Variants in SDK1 observed in about 807,000 individuals in gnomAD.
SDK1 encodes the protein sidekick cell adhesion molecule 1, also known as protein sidekick-1.
Under a neutral mutation model 245.5 loss-of-function variants are expected in SDK1, and 157 were observed. The ratio of observed to expected loss-of-function variants is 0.64; its 90% CI spans 0.56 to 0.73. The LOEUF (loss-of-function observed/expected upper bound fraction) is 0.73, where lower values mean the gene tolerates loss of function less well. Ranked by LOEUF, SDK1 falls within the 30% of genes least tolerant of loss-of-function variation. The pLI is 0.00. For missense variants in SDK1, 3,583 were observed against 3,002.3 expected (o/e 1.19, Z -4.52); for synonymous variants, 1,647 against 1,278.5 (o/e 1.29, Z -6.15).
chr7:3,955,958 G>C (rs987566343), intron 7 of SDK1, among the ~76,000 whole-genome samples: 3 of 152,202 alleles, frequency 2.0e-5, no homozygotes, highest in African/African-American at 7.2e-5. Flanking sequence ...GCTGCCATGG[G>C]CTCTGGGCCA....
intron 4 of SDK1, among the ~76,000 whole-genome samples, chr7:3,658,150 C>T (rs147779990): frequency 4.4e-4 from 67 of 152,230 alleles, no homozygotes; most frequent in African/African-American, 1.3e-3. Flanking sequence ...TACTTTGGTG[C>T]GTGATGATCA....
At chr7:4,198,356 C>T (rs1783700081) in intron 35 of SDK1, among the ~76,000 whole-genome samples, 2 of 152,222 alleles carry the variant, frequency 1.3e-5, no homozygotes. Context: ...AGGGTGTTGG[C>T]TGGGACACCT....
chr7:3,477,573 G>A (rs992361328), intron 1 of SDK1, among the ~76,000 whole-genome samples: 2 of 150,994 alleles, frequency 1.3e-5, no homozygotes, highest in African/African-American at 4.9e-5. Context: ...GGAGTGCAGT[G>A]GTGCAGTCAT....
At chr7:3,546,193 G>A (rs910687185) in intron 1 of SDK1, among the ~76,000 whole-genome samples, 1 of 152,124 alleles carries the variant, frequency 6.6e-6, no homozygotes, top group African/African-American at 2.4e-5. Flanking sequence ...GCATTTCTGT[G>A]GAGTTCCCTG....
At chr7:4,187,289 A>C (rs1782953089) in intron 35 of SDK1, among the ~76,000 whole-genome samples, 1 of 152,228 alleles carries the variant, frequency 6.6e-6, no homozygotes, top group Admixed American at 6.5e-5. Context: ...ACATTTGCAC[A>C]AGACTATGGG....
chr7:3,644,566 A>G (rs1014335355), intron 4 of SDK1, among the ~76,000 whole-genome samples: 4 of 151,286 alleles, frequency 2.6e-5, no homozygotes, highest in African/African-American at 9.7e-5. Context: ...GAGTTTAAAA[A>G]CAGCCTGGGC....
chr7:3,624,175 A>G (rs573057061), intron 2 of SDK1, among the ~76,000 whole-genome samples: 1 of 152,168 alleles, frequency 6.6e-6, no homozygotes, highest in Non-Finnish European at 1.5e-5. Context: ...CATCAGTAGA[A>G]CTTTTCAGAA....
At chr7:4,113,822 A>T (rs1783512040) in intron 24 of SDK1, among the ~76,000 whole-genome samples, 1 of 152,262 alleles carries the variant, frequency 6.6e-6, no homozygotes, top group Non-Finnish European at 1.5e-5. Flanking sequence ...AAATGTATTA[A>T]AAGAAATTAT....
intron 1 of SDK1, among the ~76,000 whole-genome samples, chr7:3,347,392 A>G (rs1372808014): frequency 6.6e-6 from 1 of 152,182 alleles, no homozygotes; most frequent in Non-Finnish European, 1.5e-5. Flanking sequence ...TGGTGATGTC[A>G]TAAAGCTGTT....
intron 1 of SDK1, among the ~76,000 whole-genome samples, chr7:3,607,942 C>A (rs1781472510): frequency 6.6e-6 from 1 of 152,236 alleles, no homozygotes; most frequent in Non-Finnish European, 1.5e-5. Flanking sequence ...CCCTGAGCCC[C>A]TTTGCAGGGG....
In SDK1 at chr7:4,220,097, T is replaced by C; in HGVS notation, c.5540-12T>C. The C allele has an allele frequency of 6.2e-7, 1 of 1,611,464 alleles. No homozygotes were observed. Among genetic ancestry groups the C allele is most frequent in the African/African-American group, 1.3e-5 (1 of 74,976 alleles). ...TGAACCCCCTTGTTTCCTTTGCTTC[T>C]GGCGGCTGCAGGGGTGAGCAAGGTG... is the stretch of plus-strand genomic sequence containing the variant. On this transcript the variant is annotated splice_polypyrimidine_tract_variant and intron_variant, in intron 38 of 44. Transcript: ENST00000404826.
intron 5 of SDK1, among the ~76,000 whole-genome samples, chr7:3,885,354 G>T (rs937182692): frequency 7.2e-5 from 11 of 152,206 alleles, no homozygotes; most frequent in African/African-American, 2.7e-4. Flanking sequence ...TGCGTGGGCT[G>T]TGGGGGCTGA....
chr7:3,691,247 AGTT>A (rs1784430393), intron 4 of SDK1, among the ~76,000 whole-genome samples: 1 of 152,200 alleles, frequency 6.6e-6, no homozygotes, highest in South Asian at 2.1e-4. Flanking sequence ...AATTTTCTTA[AGTT>A]GTTATGATTA....
intron 44 of SDK1, among the ~76,000 whole-genome samples, chr7:4,248,408 CAT>C (rs1423626785): frequency 1.3e-5 from 2 of 151,838 alleles, no homozygotes; most frequent in Non-Finnish European, 2.9e-5. Flanking sequence ...CATATGTACA[CAT>C]ACACACATGC....
Position 4,220,226 on chromosome 7 carries a change from A to G in SDK1, c.5657A>G (p.Tyr1886Cys), listed in dbSNP as rs1434474477. The change falls in exon 39 of 45, where the codon TAC becomes TGC. Residue 1886 changes from tyrosine (Y) to cysteine (C), a missense_variant. By Grantham distance (194) the Tyr-to-Cys change is radical (BLOSUM62 -2). Coordinates refer to ENST00000404826, the MANE Select transcript of SDK1 (RefSeq NM_152744.4). ...CGTGTCCAAGCGCGGACCATCACCT[A>G]CGGGCCCGAGCTCCAAGCCAATATC... Reference protein sequence around the residue: ...FFRVQARTITYGPELQANITA... With the variant: ...FFRVQARTITCGPELQANITA... 1 of 1,613,830 alleles carries G rather than the reference A, an allele frequency of 6.2e-7. No homozygotes were observed. The highest frequency in any genetic ancestry group is 8.5e-7 in the Non-Finnish European group (1 of 1,179,994).
chr7:3,478,769 G>A (rs1213052708), intron 1 of SDK1, among the ~76,000 whole-genome samples: 1 of 151,108 alleles, frequency 6.6e-6, no homozygotes, highest in Non-Finnish European at 1.5e-5. Context: ...TGTTAAATTT[G>A]TTGAATTTGA....
rs556753605 is a variant in SDK1, at chr7:3,729,177, T to G, written c.713+87072T>G. On this transcript the variant is annotated intron_variant, in intron 4 of 44. Transcript: ENST00000404826. ...ATATTAATAAAGTTTGGATGTAAGATCTAATGAAATTAAGTGTTCTTTATC... is the reference window on the plus strand; with the variant it reads ...ATATTAATAAAGTTTGGATGTAAGAGCTAATGAAATTAAGTGTTCTTTATC... 5.3e-5 allele frequency among the ~76,000 whole-genome samples: 8 copies of G among 152,320 alleles called. No individual in the cohort carries two copies. The South Asian group carries it at 1.7e-3, about 32-fold the overall frequency.
At chr7:3,577,420 T>A (rs192659599) in intron 1 of SDK1, among the ~76,000 whole-genome samples, 1 of 152,036 alleles carries the variant, frequency 6.6e-6, no homozygotes, top group South Asian at 2.1e-4. Context: ...CATGCAGGTC[T>A]TCACTGAGAC....
chr7:3,617,945 C>T (rs1202221), intron 1 of SDK1, among the ~76,000 whole-genome samples: 41,746 of 151,860 alleles, frequency 0.27, 6,134 homozygotes, highest in East Asian at 0.39. Context: ...CTGGAGTGCT[C>T]GGTGTGAGCA....
Sources: allele counts gnomAD v4.1 joint callset (sites outside exome capture counted in the v4.1 genomes callset), GRCh38; gene constraint gnomAD v4.1.1; transcripts MANE v1.5; gene names NCBI Gene and HGNC (gene_info 2026-07-23, HGNC 2026-07-21).